The following BRIP1 variants were observed in gnomAD, a reference collection of about 807,000 sequenced individuals.
BRIP1 encodes the protein Fanconi anemia group J protein.
A neutral mutation model predicts 119.7 loss-of-function variants in BRIP1; 88 were observed. The ratio of observed to expected loss-of-function variants is 0.74; its 90% CI spans 0.62 to 0.88. BRIP1 has a LOEUF of 0.88. Ranked by LOEUF, BRIP1 falls within the 40% of genes least tolerant of loss-of-function variation. BRIP1 has a pLI of 0.00. For synonymous variants in BRIP1, 443 were observed against 496.5 expected, an observed-to-expected ratio of 0.89 and a Z score of 1.43; for missense variants, 1,259 against 1,455.4, an observed-to-expected ratio of 0.87 and a Z score of 2.20.
Position 61,814,443 on chromosome 17 carries a change from AG to A in BRIP1, c.628-5687del, listed in dbSNP as rs2078208231. 1.3e-5 allele frequency among the ~76,000 whole-genome samples: 2 copies of A among 152,128 alleles called. No individual in the cohort carries two copies. The highest frequency in any genetic ancestry group is 4.8e-5 in the African/African-American group (2 of 41,464). ...ACAAACCCTACAGAAAACCAAGAAC[AG>A]GCAAATCACAGAAGAGAAAAGCTGA... On this transcript the variant is annotated intron_variant, in intron 6 of 19. Coordinates refer to ENST00000259008, the MANE Select transcript of BRIP1 (RefSeq NM_032043.3). The surrounding 1 kb of genome is among the most constrained non-coding windows in gnomAD (Gnocchi z 4.9).
At position 61,780,928 on chromosome 17, in the gene BRIP1, C is replaced by A. The variant is rs373228183; in HGVS notation, c.1706G>T (p.Gly569Val). 1.2e-6 allele frequency: 2 copies of A among 1,613,994 alleles called. No homozygotes were observed. The highest frequency in any genetic ancestry group is 2.7e-5 in the African/African-American group (2 of 75,010). The change falls in exon 12 of 20, where the codon GGG becomes GTG. Residue 569 changes from glycine to valine, a missense_variant. This residue lies in a region of BRIP1 where 753 missense variants were observed against 891.8 expected (regional missense o/e 0.84). Coordinates refer to ENST00000259008, the MANE Select transcript of BRIP1 (RefSeq NM_032043.3). This position sits in a 1 kb window ranked among gnomAD's most constrained non-coding sequence, Gnocchi z 5.4. ...CTTATTTTTTGGTAGAACCAACAAC[C>A]CATTTTTGTCTGAAATATCAATCTG... ...TNQIDISDKN[G>V]LLVLPKNKKR...
At position 61,683,976 on chromosome 17, in the gene BRIP1, C is replaced by G. The variant is rs147119272; in HGVS notation, c.3070G>C (p.Gly1024Arg). 1 of 1,614,142 alleles carries G rather than the reference C, an allele frequency of 6.2e-7. No individual in the cohort carries two copies. Among genetic ancestry groups the G allele is most frequent in the Admixed American group, 1.7e-5 (1 of 60,014 alleles). Residue 1024 changes from glycine to arginine, a missense_variant, in exon 20 of 20, where the codon GGG becomes CGG. By Grantham distance (125) the Gly-to-Arg change is moderately radical. This residue lies in a region of BRIP1 where 753 missense variants were observed against 891.8 expected (regional missense o/e 0.84). Coordinates refer to ENST00000259008, the MANE Select transcript of BRIP1 (RefSeq NM_032043.3). The surrounding 1 kb of genome is among the most constrained non-coding windows in gnomAD (Gnocchi z 4.7). ...GKIPKATPELGSSENSASSPP... is the reference protein window; with the variant it reads ...GKIPKATPELRSSENSASSPP... The stretch of plus-strand genomic sequence containing the variant: ...CTAGAGGCACTATTCTCTGATGACC[C>G]GAGCTCAGGTGTTGCCTTCGGTATT...
rs1030781693 is a variant in BRIP1, at chr17:61,695,686, T to C, written c.2493-2174A>G. Among the ~76,000 whole-genome samples the C allele has an allele frequency of 2.6e-5, 4 of 152,148 alleles. No individual in the cohort carries two copies. Among genetic ancestry groups the C allele is most frequent in the African/African-American group, 9.6e-5 (4 of 41,456 alleles). The stretch of plus-strand genomic sequence containing the variant: ...CTTGCAGTTTTCAGTATACAGATCT[T>C]TCATCTCCTTAGTTAAGTATATTTC... On this transcript the variant is annotated intron_variant, in intron 17 of 19. Coordinates refer to ENST00000259008, the MANE Select transcript of BRIP1 (RefSeq NM_032043.3). This position sits in a 1 kb window ranked among gnomAD's most constrained non-coding sequence, Gnocchi z 4.3.
At chr17:61,763,178 G>A (rs2077302556) in intron 14 of BRIP1, among the ~76,000 whole-genome samples, 1 of 151,954 alleles carries the variant, frequency 6.6e-6, no homozygotes, top group South Asian at 2.1e-4. Context: ...TTTTTATGAC[G>A]AGCTTATTTC....
rs567784903 is a variant in BRIP1 at position 61,753,720 on chromosome 17, A to G, written c.2098-9129T>C. Among the ~76,000 whole-genome samples the G allele has an allele frequency of 2.6e-5, 4 of 151,606 alleles. No individual in the cohort carries two copies. Among genetic ancestry groups the G allele is most frequent in the South Asian group, 2.1e-4 (1 of 4,782 alleles). On this transcript the variant is annotated intron_variant, in intron 14 of 19. Transcript: ENST00000259008. This position sits in a 1 kb window ranked among gnomAD's most constrained non-coding sequence, Gnocchi z 4.6. ...GGGCTCAAGCGATCCTCCCACCTCA[A>G]CCTCTCAAGTAGCTGGGACTACAGG...
chr17:61,712,861 GCCACTGCACTCCAGCCTGGCTA>G (rs2061800527), intron 17 of BRIP1, among the ~76,000 whole-genome samples: 1 of 150,226 alleles, frequency 6.7e-6, no homozygotes, highest in Non-Finnish European at 1.5e-5. Context: ...CTGAGATTGT[GCCACTGCACTCCAGCCTGGCTA>G]CAGAGCGAGA....
rs2061337610 is a variant in BRIP1, at chr17:61,684,855, CA to C, written c.2906-716del. ...TGCAACCTCCACCTCCCAGTTCAAG[CA>C]ATTCTCCTGCCTCAGCCTCCTGAGT... On this transcript the variant is annotated intron_variant, in intron 19 of 19. Transcript: ENST00000259008. This position sits in a 1 kb window ranked among gnomAD's most constrained non-coding sequence, Gnocchi z 4.5. 1 of 152,056 alleles carries C rather than the reference CA, an allele frequency of 6.6e-6. No homozygotes were observed. Among genetic ancestry groups the C allele is most frequent in the African/African-American group, 2.4e-5 (1 of 41,380 alleles). 9.4% of individuals were successfully genotyped at this position (152,056 alleles called of 1,614,324 possible).
rs917181904 is a variant in BRIP1, at chr17:61,726,987, A to C, written c.2380-10924T>G. Among the ~76,000 whole-genome samples, 2 of 152,232 alleles carry C rather than the reference A, an allele frequency of 1.3e-5. No individual in the cohort carries two copies. Among genetic ancestry groups the C allele is most frequent in the African/African-American group, 4.8e-5 (2 of 41,456 alleles). On this transcript the variant is annotated intron_variant, in intron 16 of 19. Coordinates refer to ENST00000259008, the MANE Select transcript of BRIP1 (RefSeq NM_032043.3). This position sits in a 1 kb window ranked among gnomAD's most constrained non-coding sequence, Gnocchi z 6.2. ...AAACTTTTGCTAGCAATAACAACTAACAAAATAAAATATTATCTTATGTAA... is the reference window on the plus strand; with the variant it reads ...AAACTTTTGCTAGCAATAACAACTACCAAAATAAAATATTATCTTATGTAA...
At chr17:61,688,242 G>A (rs2061389619) in intron 18 of BRIP1, among the ~76,000 whole-genome samples, 1 of 152,196 alleles carries the variant, frequency 6.6e-6, no homozygotes, top group Admixed American at 6.5e-5. Context: ...GGGAGGCCGA[G>A]GCAGGCAGAT....
chr17:61,718,731 A>G (rs2061922636), intron 16 of BRIP1, among the ~76,000 whole-genome samples: 2 of 152,150 alleles, frequency 1.3e-5, no homozygotes, highest in African/African-American at 4.8e-5. Context: ...ATCTGGTGCA[A>G]TTGTAGTATT....
chr17:61,724,362 G>T lies in BRIP1; in HGVS notation c.2380-8299C>A, dbSNP rs997125326. On this transcript the variant is annotated intron_variant, in intron 16 of 19. Transcript: ENST00000259008. The surrounding 1 kb of genome is among the most constrained non-coding windows in gnomAD (Gnocchi z 5.1). ...GGTTTTATTGGAAACAGTATAAGTAGCAGAGCACTTATAGCAGCAATAGAC... is the reference window on the plus strand; with the variant it reads ...GGTTTTATTGGAAACAGTATAAGTATCAGAGCACTTATAGCAGCAATAGAC... Among the ~76,000 whole-genome samples the T allele has an allele frequency of 6.6e-6, 1 of 152,040 alleles. No homozygotes were observed. Among genetic ancestry groups the T allele is most frequent in the African/African-American group, 2.4e-5 (1 of 41,420 alleles).
chr17:61,701,583 A>G lies in BRIP1; in HGVS notation c.2493-8071T>C, dbSNP rs1418605557. ...GGGCCTTTTCAGGTCTTTTCTTAGC[A>G]TGTCCACATCACTGGTCACATGCAC... On this transcript the variant is annotated intron_variant, in intron 17 of 19. Coordinates refer to ENST00000259008, the MANE Select transcript of BRIP1 (RefSeq NM_032043.3). This position sits in a 1 kb window ranked among gnomAD's most constrained non-coding sequence, Gnocchi z 5.1. Among the ~76,000 whole-genome samples, 2 of 152,206 alleles carry G rather than the reference A, an allele frequency of 1.3e-5. No individual in the cohort carries two copies. Among genetic ancestry groups the G allele is most frequent in the African/African-American group, 2.4e-5 (1 of 41,460 alleles).
intron 10 of BRIP1, among the ~76,000 whole-genome samples, chr17:61,788,747 G>T (rs1053207529): frequency 2.0e-5 from 3 of 152,046 alleles, no homozygotes; most frequent in African/African-American, 4.8e-5. Context: ...CCTGAGGCCA[G>T]GAGTTCAAGA....
At chr17:61,741,827 A>G (rs1199741573) in intron 16 of BRIP1, among the ~76,000 whole-genome samples, 3 of 152,198 alleles carry the variant, frequency 2.0e-5, no homozygotes, top group Non-Finnish European at 2.9e-5. Context: ...AGGCTCTAGG[A>G]TTTTTAAAAT....
At position 61,751,775 on chromosome 17, in the gene BRIP1, A is replaced by C. The variant is rs2077134245; in HGVS notation, c.2098-7184T>G. Among the ~76,000 whole-genome samples the C allele has an allele frequency of 6.8e-6, 1 of 147,928 alleles. No individual in the cohort carries two copies. Among genetic ancestry groups the C allele is most frequent in the South Asian group, 2.2e-4 (1 of 4,648 alleles). On this transcript the variant is annotated intron_variant, in intron 14 of 19. Transcript: ENST00000259008. This position sits in a 1 kb window ranked among gnomAD's most constrained non-coding sequence, Gnocchi z 6.7. ...ACAATTGGGAAGGAACAAATGGAGG[A>C]TTTTTTTTTTTGAGACAGAGTCTCG...
At position 61,735,526 on chromosome 17, in the gene BRIP1, C is replaced by T. The variant is rs1370255299; in HGVS notation, c.2379+7487G>A. Among the ~76,000 whole-genome samples the T allele has an allele frequency of 2.0e-5, 3 of 151,716 alleles. No individual in the cohort carries two copies. The highest frequency in any genetic ancestry group is 2.9e-5 in the Non-Finnish European group (2 of 67,956). The stretch of plus-strand genomic sequence containing the variant: ...CCTTAGGGCTAGGCACGGTGGCTCA[C>T]ACTTGTAATCCCAGCACTTTGGGAG... On this transcript the variant is annotated intron_variant, in intron 16 of 19. Transcript: ENST00000259008. The surrounding 1 kb of genome is among the most constrained non-coding windows in gnomAD (Gnocchi z 4.4).
rs149711999 is a variant in BRIP1 at position 61,768,761 on chromosome 17, A to T, written c.2097+7640T>A. Among the ~76,000 whole-genome samples the T allele has an allele frequency of 7.5e-3, 1,146 of 152,208 alleles. 24 individuals carry two copies. The highest frequency in any genetic ancestry group is 7.8e-3 in the Non-Finnish European group (531 of 67,998). On this transcript the variant is annotated intron_variant, in intron 14 of 19. Coordinates refer to ENST00000259008, the MANE Select transcript of BRIP1 (RefSeq NM_032043.3). This position sits in a 1 kb window ranked among gnomAD's most constrained non-coding sequence, Gnocchi z 5.0. The stretch of plus-strand genomic sequence containing the variant: ...ATAAAAATAAGACTTTACTTCCATG[A>T]TTAGATTATATTATGTAGTAAAGAT...
chr17:61,730,264 A>G lies in BRIP1; in HGVS notation c.2379+12749T>C, dbSNP rs1343793656. 6.6e-6 allele frequency among the ~76,000 whole-genome samples: 1 copy of G among 152,040 alleles called. No individual in the cohort carries two copies. Among genetic ancestry groups the G allele is most frequent in the Non-Finnish European group, 1.5e-5 (1 of 67,998 alleles). On this transcript the variant is annotated intron_variant, in intron 16 of 19. Coordinates refer to ENST00000259008, the MANE Select transcript of BRIP1 (RefSeq NM_032043.3). The surrounding 1 kb of genome is among the most constrained non-coding windows in gnomAD (Gnocchi z 4.3). ...TGAGACCTTAAAGCTTTACAGTTAG[A>G]AAAAAAAGTGACATAGTCACCTGAA...
intron 13 of BRIP1, among the ~76,000 whole-genome samples, chr17:61,779,817 C>G (rs982078037): frequency 2.0e-5 from 3 of 151,824 alleles, no homozygotes; most frequent in African/African-American, 7.3e-5. Flanking sequence ...ATTAGCCAGG[C>G]GTGCGGCGCA....
Sources: allele counts gnomAD v4.1 joint callset (sites outside exome capture counted in the v4.1 genomes callset), GRCh38; gene constraint gnomAD v4.1.1; regional missense constraint gnomAD v4.1.1; non-coding constraint Gnocchi (gnomAD v3.1); transcripts MANE v1.5; gene names NCBI Gene and HGNC (gene_info 2026-07-23, HGNC 2026-07-21).